Variants in ZNF479 observed in about 807,000 individuals in gnomAD.
ZNF479 encodes the protein KRAB zinc finger protein KR19.
ZNF479 carries 15 observed loss-of-function variants against 14.7 expected under a neutral mutation model. That is an observed-to-expected ratio of 1.02 (90% CI 0.68 to 1.57). ZNF479 has a LOEUF of 1.57. Among genes scored for constraint, ZNF479 ranks in the 40% most tolerant of loss-of-function variants. The pLI, the probability that ZNF479 is intolerant of heterozygous loss-of-function variation, is 0.00. For missense variants in ZNF479, 506 were observed against 615.1 expected (o/e 0.82, Z 1.88); for synonymous variants, 145 against 211.5 (o/e 0.69, Z 2.73).
At chr7:57,134,333 AC>A (rs1786550938), upstream of ZNF479, among the ~76,000 whole-genome samples, 1 of 152,202 alleles carries the variant, frequency 6.6e-6, no homozygotes, top group Non-Finnish European at 1.5e-5. Context: ...GAATCATTAC[AC>A]GCTAATTATA....
rs1327796823 is a variant in ZNF479, at chr7:57,119,347, A to G, written c.*493T>C. Among the ~76,000 whole-genome samples the G allele has an allele frequency of 7.2e-5, 11 of 152,154 alleles. No individual in the cohort carries two copies. The highest frequency in any genetic ancestry group is 2.0e-4 in the Admixed American group (3 of 15,268). On this transcript the variant is annotated 3_prime_UTR_variant, in exon 4 of 4. Transcript: ENST00000319636. Reference sequence around the variant, plus strand: ...TTTATGTTTCTAGGGTCTCTGTAATATAAGTTCTCTTAGGCTTTGGGAGGC... The same window carrying G: ...TTTATGTTTCTAGGGTCTCTGTAATGTAAGTTCTCTTAGGCTTTGGGAGGC...
chr7:57,134,015 T>A (rs1229489257), upstream of ZNF479, among the ~76,000 whole-genome samples: 1 of 152,228 alleles, frequency 6.6e-6, no homozygotes, highest in Admixed American at 6.5e-5. Flanking sequence ...AATCTTTGAA[T>A]GTAATCTTGT....
At chr7:57,134,590 C>G (rs1200563434), upstream of ZNF479, among the ~76,000 whole-genome samples, 1 of 150,260 alleles carries the variant, frequency 6.7e-6, no homozygotes, top group Non-Finnish European at 1.5e-5. Context: ...AGTAGCTATT[C>G]TTTTATTCCT....
At chr7:57,132,241 A>C in intron 1 of ZNF479, 45 bp downstream of exon 1, 1 of 1,613,964 alleles carries the variant, frequency 6.2e-7, no homozygotes, top group Non-Finnish European at 8.5e-7. Context: ...TGCCGGTTCC[A>C]ATCAGCCCCC....
At chr7:57,124,588 A>G (rs1786077956) in intron 3 of ZNF479, among the ~76,000 whole-genome samples, 1 of 152,226 alleles carries the variant, frequency 6.6e-6, no homozygotes, top group Non-Finnish European at 1.5e-5. Flanking sequence ...TGTGCAACAA[A>G]GAGGAGAACA....
Position 57,119,982 on chromosome 7 carries a change from G to T in ZNF479, c.1433C>A (p.Ser478Ter), listed in dbSNP as rs1554399802. 6.2e-7 allele frequency: 1 copy of T among 1,613,810 alleles called. No homozygotes were observed. Among genetic ancestry groups the T allele is most frequent in the Non-Finnish European group, 8.5e-7 (1 of 1,179,850 alleles). ...EECGKAFNCSSTLMQHKRIHT... is the reference protein window; with the variant it reads ...EECGKAFNCS Reference sequence around the variant, plus strand: ...AATTCTCTTATGTTGCATAAGGGTTGAGGAGCAATTAAAGGCTTTGCCACA... The same window carrying T: ...AATTCTCTTATGTTGCATAAGGGTTTAGGAGCAATTAAAGGCTTTGCCACA... The change falls in exon 4 of 4, where the codon TCA becomes TAA. Residue 478 changes from serine to a stop codon, truncating the protein, a stop_gained. Coordinates refer to ENST00000319636, the MANE Select transcript of ZNF479 (RefSeq NM_001370129.2). LOFTEE classifies it high-confidence loss of function.
upstream of ZNF479, among the ~76,000 whole-genome samples, chr7:57,137,262 A>C (rs1044670625): frequency 6.6e-6 from 1 of 152,050 alleles, no homozygotes; most frequent in African/African-American, 2.4e-5. Flanking sequence ...CAGCCTTCCG[A>C]GTAGCTGGGA....
At chr7:57,132,102 G>C (rs3889852) in intron 1 of ZNF479, among the ~76,000 whole-genome samples, 184 bp downstream of exon 1, 80,450 of 151,872 alleles carry the variant, frequency 0.53, 21,703 homozygotes, top group East Asian at 0.85. Context: ...ACCCCAGGGT[G>C]CCAGGTGCTG....
upstream of ZNF479, among the ~76,000 whole-genome samples, chr7:57,134,715 C>T (rs912301756): frequency 3.5e-5 from 5 of 143,692 alleles, no homozygotes; most frequent in African/African-American, 1.3e-4. Context: ...TGCTCTGTCA[C>T]CCAGGCTGGA....
In ZNF479 at chr7:57,120,541, T is replaced by C. The variant is rs374013882; in HGVS notation, c.874A>G (p.Thr292Ala). 46 of 1,613,618 alleles carry C rather than the reference T, an allele frequency of 2.9e-5. No homozygotes were observed. The highest frequency in any genetic ancestry group is 4.5e-5 in the East Asian group (2 of 44,868). ...TCACATTTGTAGGGTCTCTCTCCAG[T>C]ATGAATTCTCTTGTGGTTAGTAAGT... ...SALTNHKRIH[T>A]GERPYKCEEC... The change falls in exon 4 of 4, where the codon ACT (threonine) becomes GCT (alanine). Residue 292 changes from threonine (T) to alanine (A), a missense_variant. Physicochemically the swap from Thr to Ala is moderately conservative, Grantham distance 58 (BLOSUM62 0). This residue lies in a region of ZNF479 where 420 missense variants were observed against 474.2 expected (regional missense o/e 0.89). Coordinates refer to ENST00000319636, the MANE Select transcript of ZNF479 (RefSeq NM_001370129.2).
At chr7:57,131,760 C>T (rs1431738125) in intron 1 of ZNF479, among the ~76,000 whole-genome samples, 4 of 152,172 alleles carry the variant, frequency 2.6e-5, no homozygotes, top group Non-Finnish European at 4.4e-5. Context: ...TTTGCTTCAT[C>T]ATGCAACTTA....
intron 3 of ZNF479, among the ~76,000 whole-genome samples, chr7:57,125,696 A>G (rs1022637333): frequency 1.4e-4 from 22 of 152,202 alleles, no homozygotes; most frequent in Admixed American, 5.2e-4. Context: ...GAGTTTTTCA[A>G]AAATATGCAG....
At chr7:57,127,941 T>G (rs61531528) in intron 1 of ZNF479, among the ~76,000 whole-genome samples, 1 of 99,624 alleles carries the variant, frequency 1.0e-5, no homozygotes, top group Non-Finnish European at 2.0e-5. Context: ...ATATATATTT[T>G]TTTTTTTTTT....
At chr7:57,124,000 A>AT (rs1786055516) in intron 3 of ZNF479, among the ~76,000 whole-genome samples, 1 of 152,080 alleles carries the variant, frequency 6.6e-6, no homozygotes. Context: ...TTAATTTAAT[A>AT]TTTTTTCTCA....
intron 1 of ZNF479, among the ~76,000 whole-genome samples, chr7:57,128,989 C>T (rs1786301762): frequency 6.6e-6 from 1 of 152,212 alleles, no homozygotes; most frequent in African/African-American, 2.4e-5. Flanking sequence ...CCACCACACA[C>T]ACCCACGGCA....
Position 57,117,678 on chromosome 7 carries a change from TA to T in ZNF479, c.*2161del, listed in dbSNP as rs1785747318. On this transcript the variant is annotated 3_prime_UTR_variant, in exon 4 of 4. Transcript: ENST00000319636. ...AAAAATTAAGTTGACACATAATCTT[TA>T]AAAAATTTTTAAATTTATTGCATTT... Among the ~76,000 whole-genome samples the T allele has an allele frequency of 6.6e-6, 1 of 152,254 alleles. No individual in the cohort carries two copies. Among genetic ancestry groups the T allele is most frequent in the South Asian group, 2.1e-4 (1 of 4,836 alleles).
At chr7:57,133,549 G>A (rs116851398), upstream of ZNF479, among the ~76,000 whole-genome samples, 53 of 152,236 alleles carry the variant, frequency 3.5e-4, no homozygotes, top group East Asian at 9.9e-3. Flanking sequence ...GAATTTTCTA[G>A]TAGCCAAATG....
chr7:57,118,321 TCTTTA>T lies in ZNF479; in HGVS notation c.*1514_*1518del, dbSNP rs1467342399. Among the ~76,000 whole-genome samples, 2 of 152,260 alleles carry T rather than the reference TCTTTA, an allele frequency of 1.3e-5. No individual in the cohort carries two copies. Among genetic ancestry groups the T allele is most frequent in the Non-Finnish European group, 2.9e-5 (2 of 68,038 alleles). On this transcript the variant is annotated 3_prime_UTR_variant, in exon 4 of 4. Transcript: ENST00000319636. ...GTATGTTTGTCTTCAGAATAACTGG[TCTTTA>T]CTTTAAAGGCCTATATTTTCCAAAA...
At chr7:57,139,754 A>T (rs1423199110) in exon 1 of ZNF479, 1 of 152,154 alleles carries the variant, frequency 6.6e-6, no homozygotes, top group Non-Finnish European at 1.5e-5. Context: ...GACATATCAC[A>T]AGACCTTTAA....
Sources: allele counts gnomAD v4.1 joint callset (sites outside exome capture counted in the v4.1 genomes callset), GRCh38; gene constraint gnomAD v4.1.1; regional missense constraint gnomAD v4.1.1; transcripts MANE v1.5; gene names NCBI Gene and HGNC (gene_info 2026-07-23, HGNC 2026-07-21).